DPP10: variants seen among roughly 807,000 people sequenced by gnomAD.
DPP10 encodes the protein dipeptidyl peptidase like 10, also known as inactive dipeptidyl peptidase 10.
A neutral mutation model predicts 120.9 loss-of-function variants in DPP10; 33 were observed. The ratio of observed to expected loss-of-function variants is 0.27; its 90% CI spans 0.21 to 0.37. The LOEUF is 0.37. DPP10 is among the 10% of genes least tolerant of loss of function. The probability of loss-of-function intolerance (pLI) is 1.00; values close to 1 mark genes in which losing one functional copy is unlikely to be tolerated. For missense variants in DPP10, 816 were observed against 942.8 expected, an observed-to-expected ratio of 0.87 and a Z score of 1.76; for synonymous variants, 337 against 326.1, an observed-to-expected ratio of 1.03 and a Z score of -0.36.
chr2:114,487,341 A>G (rs1317448800), intron 1 of DPP10, among the ~76,000 whole-genome samples: 1 of 152,206 alleles, frequency 6.6e-6, no homozygotes, highest in Non-Finnish European at 1.5e-5. Context: ...GAGAATCCTC[A>G]TGTTGCTCTT....
intron 1 of DPP10, among the ~76,000 whole-genome samples, chr2:114,776,691 T>G (rs1442717949): frequency 1.3e-5 from 2 of 152,090 alleles, no homozygotes; most frequent in African/African-American, 2.4e-5. Context: ...ATCAAAAAAT[T>G]TGTTGGATAA....
chr2:115,380,755 C>G (rs1281013980), intron 3 of DPP10, among the ~76,000 whole-genome samples: 1 of 152,014 alleles, frequency 6.6e-6, no homozygotes, highest in Non-Finnish European at 1.5e-5. Context: ...CTGGTGGTGA[C>G]AAAATCTCTC....
intron 5 of DPP10, among the ~76,000 whole-genome samples, chr2:115,560,520 G>C (rs1423971257): frequency 2.2e-5 from 3 of 135,642 alleles, no homozygotes; most frequent in Non-Finnish European, 4.6e-5. Flanking sequence ...TTATCTTGTG[G>C]ATACTGAATA....
At chr2:114,531,489 C>A (rs1363549241) in intron 1 of DPP10, among the ~76,000 whole-genome samples, 1 of 149,654 alleles carries the variant, frequency 6.7e-6, no homozygotes, top group Non-Finnish European at 1.5e-5. Context: ...GTATATATCT[C>A]TCCCTATATA....
intron 5 of DPP10, among the ~76,000 whole-genome samples, chr2:115,683,679 C>T (rs1447973027): frequency 6.6e-6 from 1 of 151,726 alleles, no homozygotes; most frequent in Non-Finnish European, 1.5e-5. Context: ...ATTTTTAAAA[C>T]ATAAAATAAA....
chr2:114,946,712 T>C (rs779096674), intron 1 of DPP10, among the ~76,000 whole-genome samples: 39 of 152,210 alleles, frequency 2.6e-4, no homozygotes, highest in Non-Finnish European at 5.0e-4. Flanking sequence ...GGATTTTTTT[T>C]GTTCCTATCT....
intron 21 of DPP10, among the ~76,000 whole-genome samples, chr2:115,828,072 G>A (rs1297809024): frequency 1.3e-5 from 2 of 151,920 alleles, no homozygotes; most frequent in South Asian, 2.1e-4. Context: ...TACTCCAGGT[G>A]TGCAAGTAGT....
intron 7 of DPP10, among the ~76,000 whole-genome samples, chr2:115,714,360 C>G (rs1443318442): frequency 6.6e-6 from 1 of 152,072 alleles, no homozygotes; most frequent in African/African-American, 2.4e-5. Context: ...AAAAATAAAA[C>G]AAAAGATCTT....
At chr2:115,451,971 A>G (rs1186593505) in intron 3 of DPP10, among the ~76,000 whole-genome samples, 1 of 151,866 alleles carries the variant, frequency 6.6e-6, no homozygotes, top group African/African-American at 2.4e-5. Flanking sequence ...GGAACTGGAT[A>G]TGACATTATA....
intron 1 of DPP10, among the ~76,000 whole-genome samples, chr2:114,755,957 A>AG (rs1192891781): frequency 6.6e-6 from 1 of 151,740 alleles, no homozygotes; most frequent in Non-Finnish European, 1.5e-5. Context: ...AAATTAAAAA[A>AG]AAAAAAAAAA....
intron 1 of DPP10, among the ~76,000 whole-genome samples, chr2:114,728,291 C>A (rs569975235): frequency 7.8e-4 from 118 of 152,254 alleles, no homozygotes; most frequent in African/African-American, 2.6e-3. Flanking sequence ...GGTCAAGATG[C>A]CCTGCTTATT....
chr2:114,624,055 AC>A (rs1447268153), intron 1 of DPP10, among the ~76,000 whole-genome samples: 1 of 152,062 alleles, frequency 6.6e-6, no homozygotes, highest in Non-Finnish European at 1.5e-5. Context: ...CTGGAGCTTG[AC>A]AAATACTCTT....
chr2:114,876,269 C>A (rs1691151615), intron 1 of DPP10, among the ~76,000 whole-genome samples: 1 of 152,072 alleles, frequency 6.6e-6, no homozygotes, highest in African/African-American at 2.4e-5. Context: ...AATGGCATCA[C>A]CAGCAGAGCA....
chr2:115,635,098 G>T (rs1350357220), intron 5 of DPP10, among the ~76,000 whole-genome samples: 1 of 151,190 alleles, frequency 6.6e-6, no homozygotes, highest in Non-Finnish European at 1.5e-5. Flanking sequence ...TGGAGCTGCA[G>T]TGATGGCGGC....
intron 5 of DPP10, among the ~76,000 whole-genome samples, chr2:115,637,335 T>A (rs1209537901): frequency 6.6e-6 from 1 of 152,144 alleles, no homozygotes; most frequent in African/African-American, 2.4e-5. Flanking sequence ...CTGTATACTA[T>A]GGCTTTTGAG....
chr2:115,193,412 C>T (rs901124156), intron 1 of DPP10, among the ~76,000 whole-genome samples: 1 of 152,140 alleles, frequency 6.6e-6, no homozygotes, highest in African/African-American at 2.4e-5. Context: ...TAGGATAATA[C>T]ATGTTACAGT....
chr2:115,764,054 A>G (rs1680422089), intron 12 of DPP10, among the ~76,000 whole-genome samples: 1 of 152,162 alleles, frequency 6.6e-6, no homozygotes, highest in Admixed American at 6.6e-5. Flanking sequence ...TAGCCTAACC[A>G]AATCACATCT....
chr2:115,596,771 G>C (rs568284608), intron 5 of DPP10, among the ~76,000 whole-genome samples: 4 of 152,216 alleles, frequency 2.6e-5, no homozygotes, highest in African/African-American at 9.6e-5. Context: ...ACCAGAGAAA[G>C]CACCTTAAAC....
chr2:115,343,332 A>G (rs1019002241), intron 2 of DPP10, among the ~76,000 whole-genome samples: 1 of 152,170 alleles, frequency 6.6e-6, no homozygotes, highest in Non-Finnish European at 1.5e-5. Flanking sequence ...TGGTGGAAGT[A>G]GGTAATTACT....
Sources: gnomAD v4.1 joint callset for allele counts (sites outside exome capture counted in the v4.1 genomes callset) on GRCh38, gnomAD v4.1.1 for gene constraint, MANE v1.5 for transcripts, NCBI Gene and HGNC (gene_info 2026-07-23, HGNC 2026-07-21) for gene names.